The following C12orf42 variants were observed in gnomAD, a reference collection of about 807,000 sequenced individuals.
C12orf42 encodes chromosome 12 open reading frame 42, also known as uncharacterized protein C12orf42.
In C12orf42, 25 loss-of-function variants were observed where a neutral mutation model predicts 21.6. The observed-to-expected ratio is 1.16, with a 90% CI of 0.84 to 1.62. The LOEUF is 1.62. Ranked by LOEUF, C12orf42 falls within the 40% of genes most tolerant of loss-of-function variation. The probability of loss-of-function intolerance (pLI) is 0.00; values close to 1 mark genes in which losing one functional copy is unlikely to be tolerated. For missense variants in C12orf42, 483 were observed against 459.3 expected (o/e 1.05, Z -0.47); for synonymous variants, 174 against 175.0 (o/e 0.99, Z 0.05).
chr12:103,435,983 G>C (rs1414407043), intron 2 of C12orf42, among the ~76,000 whole-genome samples: 2 of 150,574 alleles, frequency 1.3e-5, no homozygotes, highest in Admixed American at 1.3e-4. Flanking sequence ...AGGAAAAAAT[G>C]TTAAGGGCAG....
At chr12:103,104,755 A>T in the C12orf42 span, among the ~76,000 whole-genome samples, 3 of 152,302 alleles carry the variant, frequency 2.0e-5, no homozygotes, top group African/African-American at 7.2e-5. Flanking sequence ...TTTATTCAGG[A>T]ACAGAAAACA....
the C12orf42 span, among the ~76,000 whole-genome samples, chr12:103,083,395 A>C: frequency 1.3e-5 from 2 of 152,132 alleles, no homozygotes; most frequent in Non-Finnish European, 2.9e-5. Context: ...AAGTCTAAGC[A>C]CACAGTTTGA....
intron 4 of C12orf42, among the ~76,000 whole-genome samples, chr12:103,343,812 T>C (rs2042384595): frequency 6.6e-6 from 1 of 151,408 alleles, no homozygotes. Flanking sequence ...AAAGAAAACA[T>C]TTCCTGACAT....
At chr12:103,186,685 G>A in the C12orf42 span, among the ~76,000 whole-genome samples, 3 of 152,078 alleles carry the variant, frequency 2.0e-5, no homozygotes, top group Non-Finnish European at 2.9e-5. Context: ...ATGTATGTGA[G>A]GGATACAATC....
At chr12:103,096,316 A>G in the C12orf42 span, among the ~76,000 whole-genome samples, 3 of 152,106 alleles carry the variant, frequency 2.0e-5, no homozygotes, top group Non-Finnish European at 4.4e-5. Flanking sequence ...TTTTTTTTCA[A>G]TTTAGGTGTA....
At chr12:103,506,866 ATATAT>A in the C12orf42 span, among the ~76,000 whole-genome samples, 40 of 57,872 alleles carry the variant, frequency 6.9e-4, 1 homozygote, top group South Asian at 1.5e-3. Context: ...TATTATATAT[ATATAT>A]TTATATATTA....
chr12:103,423,315 A>T (rs1192502492), intron 2 of C12orf42, among the ~76,000 whole-genome samples: 1 of 152,214 alleles, frequency 6.6e-6, no homozygotes, highest in Non-Finnish European at 1.5e-5. Context: ...ACATCTGGAT[A>T]GAGCCCTTTC....
chr12:103,285,103 CAT>C (rs2036363557), intron 4 of C12orf42, among the ~76,000 whole-genome samples: 2 of 152,246 alleles, frequency 1.3e-5, no homozygotes, highest in African/African-American at 4.8e-5. Context: ...TGAGCTAGAA[CAT>C]CAGTACATAT....
the C12orf42 span, among the ~76,000 whole-genome samples, chr12:103,173,526 C>T: frequency 3.3e-5 from 5 of 152,286 alleles, no homozygotes; most frequent in Admixed American, 2.6e-4. Context: ...GTTTTTCATG[C>T]AGGTCTGAGT....
chr12:103,273,031 T>A (rs188450965), intron 5 of C12orf42, among the ~76,000 whole-genome samples: 14 of 152,340 alleles, frequency 9.2e-5, no homozygotes, highest in African/African-American at 3.4e-4. Context: ...GTGTGTTCCC[T>A]CATAGACATG....
At chr12:103,324,123 T>C (rs868351972) in intron 4 of C12orf42, among the ~76,000 whole-genome samples, 4 of 152,206 alleles carry the variant, frequency 2.6e-5, no homozygotes, top group African/African-American at 9.6e-5. Context: ...AGTGTGTATG[T>C]GTCAACTGCA....
intron 2 of C12orf42, among the ~76,000 whole-genome samples, chr12:103,454,250 CA>C (rs1952140246): frequency 6.6e-6 from 1 of 152,084 alleles, no homozygotes; most frequent in African/African-American, 2.4e-5. Flanking sequence ...TCTTAAAACA[CA>C]AGCCACCACA....
At chr12:103,167,593 G>A in the C12orf42 span, among the ~76,000 whole-genome samples, 2 of 151,988 alleles carry the variant, frequency 1.3e-5, no homozygotes, top group African/African-American at 4.8e-5. Flanking sequence ...TTTTTTCCAG[G>A]AAAAAATATG....
the C12orf42 span, among the ~76,000 whole-genome samples, chr12:103,520,127 G>T: frequency 6.6e-6 from 1 of 152,160 alleles, no homozygotes; most frequent in Non-Finnish European, 1.5e-5. Context: ...CAGAATAGGT[G>T]GTCATAGAAG....
At chr12:103,443,643 A>G in intron 2 of C12orf42, among the ~76,000 whole-genome samples, 1 of 152,098 alleles carries the variant, frequency 6.6e-6, no homozygotes. Flanking sequence ...CTGCAGGTCA[A>G]ACAAAACATA....
chr12:103,330,069 GA>G (rs2041106477), intron 4 of C12orf42, among the ~76,000 whole-genome samples: 14 of 152,020 alleles, frequency 9.2e-5, no homozygotes, highest in Admixed American at 1.3e-4. Context: ...TTCAATTATA[GA>G]AATATATGAA....
the C12orf42 span, among the ~76,000 whole-genome samples, chr12:103,200,330 AC>A: frequency 1.3e-5 from 2 of 152,338 alleles, no homozygotes; most frequent in African/African-American, 4.8e-5. Flanking sequence ...GACTGGGGAA[AC>A]AGGGAAGCAG....
intron 2 of C12orf42, among the ~76,000 whole-genome samples, chr12:103,430,987 T>C (rs1043892907): frequency 2.6e-5 from 4 of 152,034 alleles, no homozygotes; most frequent in Admixed American, 1.3e-4. Flanking sequence ...AGGGAAGGGA[T>C]AGCATTAGGA....
intron 4 of C12orf42, among the ~76,000 whole-genome samples, chr12:103,328,886 T>C (rs770405969): frequency 6.6e-6 from 1 of 152,206 alleles, no homozygotes; most frequent in African/African-American, 2.4e-5. Context: ...TTCTTGAACA[T>C]TTCTGAATTT....
Sources: allele counts gnomAD v4.1 joint callset (sites outside exome capture counted in the v4.1 genomes callset), GRCh38; gene constraint gnomAD v4.1.1; transcripts MANE v1.5; gene names NCBI Gene and HGNC (gene_info 2026-07-23, HGNC 2026-07-21).